Variants in FMN1 observed in about 807,000 individuals in gnomAD.
FMN1 encodes formin-1.
Under a neutral mutation model 132.4 loss-of-function variants are expected in FMN1, and 110 were observed. The ratio of observed to expected loss-of-function variants is 0.83; its 90% CI spans 0.71 to 0.97. The LOEUF is 0.97. Among genes scored for constraint, FMN1 ranks in the 50% least tolerant of loss-of-function variants. FMN1 has a pLI of 0.00. For synonymous variants in FMN1, 722 were observed against 651.7 expected (o/e 1.11, Z -1.64); for missense variants, 1,792 against 1,705.3 (o/e 1.05, Z -0.90).
At chr15:32,929,649 C>G (rs1320131326) in intron 9 of FMN1, among the ~76,000 whole-genome samples, 1 of 152,158 alleles carries the variant, frequency 6.6e-6, no homozygotes, top group Admixed American at 6.5e-5. Context: ...AGTTTGACCA[C>G]CACGGATACC....
chr15:32,842,913 G>A (rs965865301), intron 17 of FMN1, among the ~76,000 whole-genome samples: 2 of 151,760 alleles, frequency 1.3e-5, no homozygotes, highest in Admixed American at 1.3e-4. Context: ...ATCACCTGAG[G>A]TCGGGAGATC....
intron 10 of FMN1, among the ~76,000 whole-genome samples, chr15:32,918,799 C>T (rs2060747186): frequency 1.3e-5 from 2 of 152,236 alleles, no homozygotes; most frequent in East Asian, 3.9e-4. Context: ...ATGGTCTCAG[C>T]CAGTTGCCTG....
intron 7 of FMN1, among the ~76,000 whole-genome samples, chr15:32,971,354 G>A (rs1457119328): frequency 6.6e-6 from 1 of 152,158 alleles, no homozygotes; most frequent in Non-Finnish European, 1.5e-5. Flanking sequence ...ATAAACCTAG[G>A]AAAAGCTCAA....
In FMN1 at chr15:32,852,156, C is replaced by T. The variant is rs544974723; in HGVS notation, c.3928+4859G>A. 1.6e-4 allele frequency among the ~76,000 whole-genome samples: 25 copies of T among 152,262 alleles called. 1 individual carries two copies. The highest frequency in any genetic ancestry group is 3.4e-3 in the Middle Eastern group (1 of 294). ...CCCATGAGCCCAGCATCTCTACCTG[C>T]GCGTCTCACATGTACAAAGTTAACC... is the stretch of plus-strand genomic sequence containing the variant. On this transcript the variant is annotated intron_variant, in intron 17 of 20. Coordinates refer to ENST00000616417, the MANE Select transcript of FMN1 (RefSeq NM_001277313.2).
chr15:32,832,755 A>G (rs1022374003), intron 17 of FMN1, among the ~76,000 whole-genome samples: 4 of 152,074 alleles, frequency 2.6e-5, no homozygotes, highest in African/African-American at 9.7e-5. Context: ...TCCAGCCAGC[A>G]GAAGGAAGAG....
intron 17 of FMN1, among the ~76,000 whole-genome samples, chr15:32,849,707 A>AGTG (rs1223571417): frequency 4.6e-5 from 7 of 151,942 alleles, no homozygotes; most frequent in African/African-American, 2.4e-5. Flanking sequence ...CCCAGGCTGC[A>AGTG]GTGCAGTGGT....
At chr15:32,961,998 G>C (rs2030613998) in intron 9 of FMN1, among the ~76,000 whole-genome samples, 1 of 152,014 alleles carries the variant, frequency 6.6e-6, no homozygotes, top group African/African-American at 2.4e-5. Context: ...TAAAATTGCA[G>C]ACCTCACCCC....
At chr15:33,101,288 T>C (rs12900344) in intron 4 of FMN1, among the ~76,000 whole-genome samples, 13,001 of 152,074 alleles carry the variant, frequency 0.085, 726 homozygotes, top group Middle Eastern at 0.13. Flanking sequence ...CTGGAGGAGG[T>C]TGGCGATTTG....
At chr15:33,119,480 G>A (rs1385768938) in intron 4 of FMN1, among the ~76,000 whole-genome samples, 1 of 152,182 alleles carries the variant, frequency 6.6e-6, no homozygotes, top group African/African-American at 2.4e-5. Flanking sequence ...CCCAGGAGGA[G>A]ACTCTGCCAA....
At chr15:32,978,602 C>T (rs1015255784) in intron 7 of FMN1, among the ~76,000 whole-genome samples, 1 of 152,214 alleles carries the variant, frequency 6.6e-6, no homozygotes, top group Admixed American at 6.5e-5. Flanking sequence ...ACTGAAGCTG[C>T]AGCCAGTCCA....
intron 6 of FMN1, among the ~76,000 whole-genome samples, chr15:33,032,963 A>G (rs1485929210): frequency 6.6e-6 from 1 of 152,176 alleles, no homozygotes; most frequent in Non-Finnish European, 1.5e-5. Context: ...CGCTTAGAGA[A>G]GTGCCTGGCA....
At chr15:32,895,730 TAAGG>T (rs950988424) in intron 15 of FMN1, among the ~76,000 whole-genome samples, 3 of 147,208 alleles carry the variant, frequency 2.0e-5, no homozygotes, top group African/African-American at 5.2e-5. Context: ...TTTTTAAAAA[TAAGG>T]AAGAAAGTTT....
intron 9 of FMN1, among the ~76,000 whole-genome samples, chr15:32,959,868 G>T (rs2030303990): frequency 6.6e-6 from 1 of 152,148 alleles, no homozygotes; most frequent in African/African-American, 2.4e-5. Flanking sequence ...AAGAGTAATA[G>T]CAATCTAAGA....
intron 4 of FMN1, among the ~76,000 whole-genome samples, chr15:33,144,995 A>G (rs1964159898): frequency 6.6e-6 from 1 of 152,188 alleles, no homozygotes; most frequent in Non-Finnish European, 1.5e-5. Flanking sequence ...ATTTGACATA[A>G]TTCCTTCCAG....
At chr15:32,874,099 G>A (rs945168263) in intron 16 of FMN1, among the ~76,000 whole-genome samples, 13 of 142,978 alleles carry the variant, frequency 9.1e-5, no homozygotes, top group African/African-American at 3.4e-4. Flanking sequence ...TCGGCTCACT[G>A]TGACCTCTGC....
At chr15:32,924,769 C>T (rs180922546) in intron 10 of FMN1, among the ~76,000 whole-genome samples, 1 of 152,144 alleles carries the variant, frequency 6.6e-6, no homozygotes, top group Non-Finnish European at 1.5e-5. Flanking sequence ...AAAAAATTAG[C>T]TGTATGTTAT....
chr15:33,012,829 A>G, intron 6 of FMN1: 8 of 638,354 alleles, frequency 1.3e-5, no homozygotes, highest in Non-Finnish European at 2.0e-5. Flanking sequence ...AGGATATGGT[A>G]GCAGTGGGGG....
intron 5 of FMN1, among the ~76,000 whole-genome samples, chr15:33,087,772 GATAA>G (rs763615483): frequency 6.6e-6 from 1 of 151,288 alleles, no homozygotes; most frequent in African/African-American, 2.4e-5. Context: ...ACAATGAGTG[GATAA>G]ATAAAATGTG....
chr15:32,826,845 G>A (rs1027487083), intron 17 of FMN1, among the ~76,000 whole-genome samples: 8 of 152,104 alleles, frequency 5.3e-5, no homozygotes, highest in Non-Finnish European at 8.8e-5. Flanking sequence ...TTTTCCTAGC[G>A]CTGGCTCTTT....
Sources: gnomAD v4.1 joint callset for allele counts (sites outside exome capture counted in the v4.1 genomes callset) on GRCh38, gnomAD v4.1.1 for gene constraint, MANE v1.5 for transcripts, NCBI Gene and HGNC (gene_info 2026-07-23, HGNC 2026-07-21) for gene names.